Variants in DNAH8 observed in about 807,000 individuals in gnomAD.
The protein encoded by DNAH8 is dynein axonemal heavy chain 8.
A neutral mutation model predicts 562.1 loss-of-function variants in DNAH8; 382 were observed. The ratio of observed to expected loss-of-function variants is 0.68; its 90% CI spans 0.63 to 0.74. The LOEUF (loss-of-function observed/expected upper bound fraction) is 0.74, where lower values mean the gene tolerates loss of function less well. Ranked by LOEUF, DNAH8 falls within the 30% of genes least tolerant of loss-of-function variation. The pLI is 0.00. For missense variants in DNAH8, 5,203 were observed against 5,620.4 expected (o/e 0.93, Z 2.37); for synonymous variants, 1,881 against 1,919.4 (o/e 0.98, Z 0.52).
chr6:39,015,172 G>A (rs1766479899), intron 91 of DNAH8, among the ~76,000 whole-genome samples: 1 of 152,158 alleles, frequency 6.6e-6, no homozygotes, highest in South Asian at 2.1e-4. Flanking sequence ...GTTATTGAAT[G>A]TATCTTTGAT....
intron 41 of DNAH8, among the ~76,000 whole-genome samples, chr6:38,856,639 T>C (rs1245634862): frequency 6.6e-6 from 1 of 152,184 alleles, no homozygotes; most frequent in Non-Finnish European, 1.5e-5. Context: ...CATTTATCTT[T>C]AGCTGCAGCC....
intron 21 of DNAH8, among the ~76,000 whole-genome samples, chr6:38,797,637 C>G (rs574627162): frequency 6.6e-6 from 1 of 152,176 alleles, no homozygotes; most frequent in African/African-American, 2.4e-5. Flanking sequence ...TCCTTTACTA[C>G]GCCGCTGCAA....
chr6:38,786,633 A>T (rs1283999445), intron 17 of DNAH8, 132 bp from the exon 18 acceptor site: 2 of 826,122 alleles, frequency 2.4e-6, no homozygotes, highest in Non-Finnish European at 3.7e-6. Flanking sequence ...GTGCCTTAGC[A>T]CCTGGGGCAT....
chr6:38,909,799 GA>G, intron 65 of DNAH8, 55 bp downstream of exon 65: 3 of 1,358,770 alleles, frequency 2.2e-6, no homozygotes, highest in Non-Finnish European at 3.1e-6. Flanking sequence ...GTATTCCCAA[GA>G]GGAATGCATT....
At chr6:38,939,016 G>A (rs1783216167) in intron 79 of DNAH8, 28 bp downstream of exon 79, 2 of 1,580,840 alleles carry the variant, frequency 1.3e-6, no homozygotes, top group Non-Finnish European at 1.7e-6. Flanking sequence ...CAGATGTGGT[G>A]TGTGGAGGAT....
At chr6:38,745,841 G>A (rs1360032056) in intron 8 of DNAH8, among the ~76,000 whole-genome samples, 2 of 152,130 alleles carry the variant, frequency 1.3e-5, no homozygotes, top group Non-Finnish European at 2.9e-5. Context: ...AATACATTGA[G>A]GTTATGCATC....
chr6:38,826,344 A>G lies in DNAH8; in HGVS notation c.4036A>G (p.Ile1346Val), dbSNP rs1184830557. ...VRFAMEALSC[I>V]RDNEIQMDMT... Reference sequence around the variant, plus strand: ...ATTTGCAATGGAAGCCTTGTCTTGCATACGTGATAATGAAATTCAAATGGA... The same window carrying G: ...ATTTGCAATGGAAGCCTTGTCTTGCGTACGTGATAATGAAATTCAAATGGA... The change falls in exon 29 of 93, where the codon ATA becomes GTA. Residue 1346 changes from isoleucine to valine, a missense_variant. By Grantham distance (29) the Ile-to-Val change is conservative (BLOSUM62 3). This residue lies in a region of DNAH8 where 2,176 missense variants were observed against 2,365.1 expected (regional missense o/e 0.92). Transcript: ENST00000327475. The G allele has an allele frequency of 1.9e-6, 3 of 1,612,878 alleles. No homozygotes were observed. The highest frequency in any genetic ancestry group is 2.5e-6 in the Non-Finnish European group (3 of 1,179,486).
At chr6:38,947,745 CTCT>C (rs1406541729) in intron 80 of DNAH8, among the ~76,000 whole-genome samples, 2 of 139,118 alleles carry the variant, frequency 1.4e-5, no homozygotes, top group African/African-American at 2.8e-5. Flanking sequence ...TTCAGAAATC[CTCT>C]TCTTTTTTTT....
intron 11 of DNAH8, among the ~76,000 whole-genome samples, chr6:38,762,359 T>A (rs57764367): frequency 1.3e-5 from 2 of 152,192 alleles, no homozygotes; most frequent in Non-Finnish European, 2.9e-5. Flanking sequence ...AGTCTGTTAA[T>A]GTGATAGATG....
chr6:38,955,679 A>C (rs1293530895), intron 82 of DNAH8, among the ~76,000 whole-genome samples: 1 of 152,148 alleles, frequency 6.6e-6, no homozygotes, highest in Non-Finnish European at 1.5e-5. Context: ...AATCACAAGC[A>C]AGATGAATTT....
intron 66 of DNAH8, 105 bp downstream of exon 66, chr6:38,911,691 C>CAAAGTGAGTA: frequency 1.3e-6 from 1 of 776,728 alleles, no homozygotes; most frequent in Non-Finnish European, 2.1e-6. Flanking sequence ...GAAATACTCA[C>CAAAGTGAGTA]TTTGTTAGTA....
intron 66 of DNAH8, among the ~76,000 whole-genome samples, chr6:38,912,637 C>T (rs1583334542): frequency 6.6e-6 from 1 of 152,058 alleles, no homozygotes; most frequent in South Asian, 2.1e-4. Flanking sequence ...GTGCTGAAGC[C>T]AACTCATAGT....
Position 38,882,974 on chromosome 6 carries a change from A to G in DNAH8, c.7923A>G (p.Glu2641=), listed in dbSNP as rs1191394970. ...ATTATCCAACTGACAGTATTCCGGAATATTCATCAATTTTGGTTCCAAATG... is the reference window on the plus strand; with the variant it reads ...ATTATCCAACTGACAGTATTCCGGAGTATTCATCAATTTTGGTTCCAAATG... The part of the protein sequence containing the change: ...PYYYPTDSIP[E]YSSILVPNVD... The change falls in exon 54 of 93, where the codon GAA becomes GAG. Residue 2641 remains glutamate (E), a synonymous_variant. Transcript: ENST00000327475. 1.9e-6 allele frequency: 3 copies of G among 1,606,444 alleles called. No individual in the cohort carries two copies. In the African/African-American group the frequency reaches 4.0e-5, roughly 22 times the overall value.
In DNAH8 at chr6:38,834,564, T is replaced by C. The variant is rs201364154; in HGVS notation, c.4303-15T>C. ...TGATTAAGAATGAAAATGGAGATTA[T>C]ATTCTTCCTTACAGGAAGGACCTAT... On this transcript the variant is annotated splice_polypyrimidine_tract_variant and intron_variant, in intron 31 of 92. Transcript: ENST00000327475. 6.5e-4 allele frequency: 993 copies of C among 1,536,904 alleles called. 2 individuals are homozygous for C. The highest frequency in any genetic ancestry group is 8.5e-4 in the Non-Finnish European group (954 of 1,128,306).
chr6:38,814,199 C>T, intron 25 of DNAH8, 70 bp downstream of exon 25: 1 of 880,690 alleles, frequency 1.1e-6, no homozygotes, highest in South Asian at 1.6e-5. Context: ...ACTGAGCTTT[C>T]ATTTAGGTAA....
intron 13 of DNAH8, 126 bp downstream of exon 13, chr6:38,776,077 C>T: frequency 1.5e-6 from 1 of 672,450 alleles, no homozygotes; most frequent in South Asian, 2.0e-5. Flanking sequence ...TCCTCTTTCA[C>T]ATTGACCAAA....
rs1251438338 is a variant in DNAH8 at position 38,883,913 on chromosome 6, G to A, written c.8174G>A (p.Ser2725Asn). 1 of 1,589,026 alleles carries A rather than the reference G, an allele frequency of 6.3e-7. No individual in the cohort carries two copies. The highest frequency in any genetic ancestry group is 8.6e-7 in the Non-Finnish European group (1 of 1,166,046). The change falls in exon 56 of 93, where the codon AGC (serine) becomes AAC (asparagine). Residue 2725 changes from serine to asparagine, a missense_variant. Around this residue, in one of 6 missense-constraint regions of DNAH8, gnomAD observed 977 missense variants for 1,061.8 expected, o/e 0.92. Transcript: ENST00000327475. ...AGCTACGTGGATAAGCGAATTGGAA[G>A]CACATATGGGCCACCAGGAGGGAGA... is the stretch of plus-strand genomic sequence containing the variant. ...IESYVDKRIGSTYGPPGGRKM... is the reference protein window; with the variant it reads ...IESYVDKRIGNTYGPPGGRKM...
At chr6:38,984,469 TGCAC>T (rs2150718871) in intron 87 of DNAH8, 162 bp downstream of exon 87, 1 of 542,590 alleles carries the variant, frequency 1.8e-6, no homozygotes. Context: ...CGCACACACA[TGCAC>T]ACACACACAC....
chr6:38,960,666 T>C (rs1762551680), intron 82 of DNAH8, among the ~76,000 whole-genome samples: 1 of 151,916 alleles, frequency 6.6e-6, no homozygotes, highest in Non-Finnish European at 1.5e-5. Flanking sequence ...CATACAGTAT[T>C]GGTAGAAATG....
Sources: gnomAD v4.1 joint callset for allele counts (sites outside exome capture counted in the v4.1 genomes callset) on GRCh38, gnomAD v4.1.1 for gene constraint, gnomAD v4.1.1 regional missense constraint, MANE v1.5 for transcripts, NCBI Gene and HGNC (gene_info 2026-07-23, HGNC 2026-07-21) for gene names.